CORO2B: variants seen among roughly 807,000 people sequenced by gnomAD.
CORO2B encodes the protein coronin-2B.
A neutral mutation model predicts 58.8 loss-of-function variants in CORO2B; 26 were observed. That is an observed-to-expected ratio of 0.44 (90% CI 0.32 to 0.61). The LOEUF (loss-of-function observed/expected upper bound fraction) is 0.61. Among genes scored for constraint, CORO2B ranks in the 20% least tolerant of loss-of-function variants. CORO2B has a pLI of 0.04. For missense variants in CORO2B, 460 were observed against 645.1 expected, an observed-to-expected ratio of 0.71 and a Z score of 3.11; for synonymous variants, 242 against 253.8, an observed-to-expected ratio of 0.95 and a Z score of 0.44.
chr15:68,528,797 G>C, the CORO2B span, among the ~76,000 whole-genome samples: 5 of 151,830 alleles, frequency 3.3e-5, no homozygotes, highest in South Asian at 1.0e-3. Context: ...TAGGAAAGGG[G>C]CTTTTAAATT....
chr15:68,691,780 G>T (rs991116838), intron 2 of CORO2B, among the ~76,000 whole-genome samples: 1 of 152,066 alleles, frequency 6.6e-6, no homozygotes, highest in Admixed American at 6.6e-5. Context: ...GTTCTGAATA[G>T]GTTCCGGTGA....
chr15:68,701,546 C>T (rs374133713), intron 3 of CORO2B, among the ~76,000 whole-genome samples: 2 of 124,704 alleles, frequency 1.6e-5, no homozygotes, highest in African/African-American at 3.0e-5. Context: ...AGTGCAGTGG[C>T]GCGATCTCGA....
chr15:68,657,472 C>T (rs914077610), intron 2 of CORO2B, among the ~76,000 whole-genome samples: 3 of 137,968 alleles, frequency 2.2e-5, no homozygotes, highest in African/African-American at 8.0e-5. Context: ...GAGCTGTGCT[C>T]ATGCCACTGC....
intron 2 of CORO2B, among the ~76,000 whole-genome samples, chr15:68,646,956 A>C (rs774045900): frequency 6.6e-6 from 1 of 152,158 alleles, no homozygotes; most frequent in Non-Finnish European, 1.5e-5. Flanking sequence ...AGCTCCATCC[A>C]TCCAGGCCTG....
At chr15:68,647,996 C>T (rs181161682) in intron 2 of CORO2B, among the ~76,000 whole-genome samples, 36 of 143,880 alleles carry the variant, frequency 2.5e-4, no homozygotes, top group Admixed American at 2.3e-3. Context: ...CCCCTGCACT[C>T]CACCCTGGGC....
intron 2 of CORO2B, among the ~76,000 whole-genome samples, chr15:68,648,904 C>T (rs144850141): frequency 2.0e-4 from 30 of 152,282 alleles, no homozygotes; most frequent in Admixed American, 1.6e-3. Flanking sequence ...CAATTCCACT[C>T]TAGGAATTCA....
chr15:68,660,915 G>C (rs566812915), intron 2 of CORO2B, among the ~76,000 whole-genome samples: 1 of 150,986 alleles, frequency 6.6e-6, no homozygotes, highest in Admixed American at 6.6e-5. Context: ...CTCTATAGAG[G>C]TTCTCTTTCT....
At chr15:68,587,923 G>C (rs564196906) in intron 1 of CORO2B, among the ~76,000 whole-genome samples, 2 of 152,204 alleles carry the variant, frequency 1.3e-5, no homozygotes, top group Non-Finnish European at 2.9e-5. Context: ...CAGAGCATGG[G>C]ACCTGGAGGC....
chr15:68,685,603 C>T (rs1567008365), intron 2 of CORO2B, among the ~76,000 whole-genome samples: 1 of 152,218 alleles, frequency 6.6e-6, no homozygotes, highest in East Asian at 1.9e-4. Flanking sequence ...TTCAGGTGCT[C>T]CAGGAGGCAG....
chr15:68,541,147 G>A, the CORO2B span, among the ~76,000 whole-genome samples: 1 of 151,944 alleles, frequency 6.6e-6, no homozygotes, highest in African/African-American at 2.4e-5. Context: ...AGGTGGGAGG[G>A]TGGCTTGAGC....
chr15:68,601,494 C>T (rs1446747828), intron 1 of CORO2B, among the ~76,000 whole-genome samples: 26 of 152,148 alleles, frequency 1.7e-4, no homozygotes, highest in Non-Finnish European at 2.8e-4. Flanking sequence ...GTGGGGATTG[C>T]GGCCATGAGC....
Position 68,579,225 on chromosome 15 carries a change from G to A in CORO2B, c.-38G>A. ...CGGGCCGCCGCCGCCGCCCCCGCACGCCGCGCCCGCGCCCCCGCTCCGCCG... is the reference window on the plus strand; with the variant it reads ...CGGGCCGCCGCCGCCGCCCCCGCACACCGCGCCCGCGCCCCCGCTCCGCCG... On this transcript the variant is annotated 5_prime_UTR_variant, in exon 1 of 12. Transcript: ENST00000261861. 2 of 1,090,734 alleles carry A rather than the reference G, an allele frequency of 1.8e-6. No individual in the cohort carries two copies. The highest frequency in any genetic ancestry group is 2.2e-6 in the Non-Finnish European group (2 of 900,378). The allele number at this position is 1,090,734 out of a possible 1,614,324, so 67.6% of individuals were successfully genotyped here. A position where few individuals can be genotyped will look rare whatever the true frequency, so the allele number is the denominator to read the frequency against.
the CORO2B span, among the ~76,000 whole-genome samples, chr15:68,550,131 C>T: frequency 1.1e-4 from 17 of 151,964 alleles, no homozygotes; most frequent in African/African-American, 2.7e-4. Context: ...ATGGAGCGTG[C>T]GGGGTCTCAG....
At chr15:68,534,409 A>C in the CORO2B span, among the ~76,000 whole-genome samples, 1 of 152,200 alleles carries the variant, frequency 6.6e-6, no homozygotes, top group South Asian at 2.1e-4. Context: ...TTAAAGACAA[A>C]AATTTTGCCC....
chr15:68,702,334 C>G (rs932697085), intron 3 of CORO2B, among the ~76,000 whole-genome samples: 6 of 152,122 alleles, frequency 3.9e-5, no homozygotes, highest in African/African-American at 1.4e-4. Context: ...TTTCATGCAT[C>G]CAGCGCCACA....
intron 3 of CORO2B, among the ~76,000 whole-genome samples, chr15:68,703,057 A>C (rs571108054): frequency 0.028 from 4,005 of 145,358 alleles, 169 homozygotes; most frequent in African/African-American, 0.094. Flanking sequence ...GAACTCCTGG[A>C]CTCAAGTGAT....
At chr15:68,609,853 T>A (rs1338280606) in intron 1 of CORO2B, among the ~76,000 whole-genome samples, 1 of 152,026 alleles carries the variant, frequency 6.6e-6, no homozygotes, top group Non-Finnish European at 1.5e-5. Flanking sequence ...GCAGGCAGGG[T>A]GGGCTGGGGT....
chr15:68,712,451 C>T (rs1217063511), intron 5 of CORO2B, among the ~76,000 whole-genome samples: 2 of 152,034 alleles, frequency 1.3e-5, no homozygotes, highest in African/African-American at 4.8e-5. Context: ...GACATAACAC[C>T]CAAAGGAAAT....
At chr15:68,545,618 G>C in the CORO2B span, among the ~76,000 whole-genome samples, 515 of 149,834 alleles carry the variant, frequency 3.4e-3, 23 homozygotes, top group African/African-American at 0.012. Context: ...GGGGCGGGGG[G>C]GGTAATACTG....
Sources: allele counts gnomAD v4.1 joint callset (sites outside exome capture counted in the v4.1 genomes callset), GRCh38; gene constraint gnomAD v4.1.1; transcripts MANE v1.5; gene names NCBI Gene and HGNC (gene_info 2026-07-23, HGNC 2026-07-21).